Variants in ADAMTSL1 observed in about 807,000 individuals in gnomAD.
ADAMTSL1 encodes the protein ADAMTS like 1.
A neutral mutation model predicts 201.8 loss-of-function variants in ADAMTSL1; 126 were observed. The ratio of observed to expected loss-of-function variants is 0.62; its 90% CI spans 0.54 to 0.72. The LOEUF (loss-of-function observed/expected upper bound fraction) is 0.72. ADAMTSL1 is among the 30% of genes least tolerant of loss of function. The probability of loss-of-function intolerance (pLI) is 0.00; values close to 1 mark genes in which losing one functional copy is unlikely to be tolerated. For missense variants in ADAMTSL1, 2,679 were observed against 2,277.8 expected (o/e 1.18, Z -3.59); for synonymous variants, 1,121 against 903.4 (o/e 1.24, Z -4.32).
chr9:18,856,738 G>A (rs565668278), intron 23 of ADAMTSL1, among the ~76,000 whole-genome samples: 6 of 152,228 alleles, frequency 3.9e-5, no homozygotes, highest in South Asian at 2.1e-4. Context: ...GATTACAGAC[G>A]TGAGCCAGTG....
rs1016873753 is a variant in ADAMTSL1, at chr9:18,505,051, G to A, written c.191+95G>A. On this transcript the variant is annotated intron_variant, in intron 2 of 28. Coordinates refer to ENST00000380548, the MANE Select transcript of ADAMTSL1 (RefSeq NM_001040272.6). ...TTGGGTTTATGGAGAACATTTTGTG[G>A]CTTACAGATCCAGATAAAAGAAAAG... The A allele has an allele frequency of 2.8e-6, 4 of 1,425,012 alleles. No homozygotes were observed. The African/African-American group carries it at 5.9e-5, about 21-fold the overall frequency. 88.3% of individuals were successfully genotyped at this position (1,425,012 alleles called of 1,614,324 possible).
intron 1 of ADAMTSL1, among the ~76,000 whole-genome samples, chr9:17,941,550 A>C (rs1317964660): frequency 6.6e-6 from 1 of 152,132 alleles, no homozygotes; most frequent in Admixed American, 6.6e-5. Context: ...TACAGTCTCT[A>C]CCATTTATCC....
chr9:18,571,190 T>A (rs774431107), intron 3 of ADAMTSL1, among the ~76,000 whole-genome samples: 4 of 152,190 alleles, frequency 2.6e-5, no homozygotes, highest in Non-Finnish European at 5.9e-5. Flanking sequence ...ATTATCAATT[T>A]AAAAACATAA....
intron 2 of ADAMTSL1, among the ~76,000 whole-genome samples, chr9:18,267,640 T>C (rs1442040640): frequency 6.6e-6 from 1 of 152,018 alleles, no homozygotes. Flanking sequence ...TTGATAAGTG[T>C]TCTAATTGTA....
intron 2 of ADAMTSL1, among the ~76,000 whole-genome samples, chr9:18,464,168 T>C (rs1820913640): frequency 2.6e-5 from 4 of 152,218 alleles, no homozygotes; most frequent in Admixed American, 2.6e-4. Flanking sequence ...ATAATAAGCA[T>C]GCCCTCATCA....
rs75551645 is a variant in ADAMTSL1 at position 18,887,910 on chromosome 9, G to C, written c.4329G>C (p.Leu1443=). 56,285 of 1,613,924 alleles carry C rather than the reference G, an allele frequency of 0.035. 1,304 individuals carry two copies. The highest frequency in any genetic ancestry group is 0.09 in the East Asian group (4,046 of 44,880). Residue 1443 remains leucine, a synonymous_variant, in exon 24 of 29, where the codon CTG becomes CTC. Transcript: ENST00000380548. ...AGCCAATTGTCACTGCCACAGGACT[G>C]ACGCATCACATCTTGGCAGCTGGAC... ...GGQPIVTATG[L]THHILAAGQI...
intron 14 of ADAMTSL1, among the ~76,000 whole-genome samples, chr9:18,716,920 G>A (rs1407686027): frequency 7.1e-6 from 1 of 139,992 alleles, no homozygotes; most frequent in Non-Finnish European, 1.6e-5. Flanking sequence ...AAAAAATGAT[G>A]AGTTCATGTC....
intron 15 of ADAMTSL1, among the ~76,000 whole-genome samples, chr9:18,728,625 C>T (rs1002150264): frequency 2.6e-5 from 4 of 152,136 alleles, no homozygotes; most frequent in Non-Finnish European, 4.4e-5. Context: ...GCATGGAGTT[C>T]GGTGGAAGCT....
intron 2 of ADAMTSL1, among the ~76,000 whole-genome samples, chr9:18,213,461 G>A (rs780402118): frequency 6.6e-6 from 1 of 152,140 alleles, no homozygotes; most frequent in Non-Finnish European, 1.5e-5. Flanking sequence ...AGAACTTAGT[G>A]AGAAGCTAAA....
chr9:18,773,050 T>G (rs1262410548), intron 17 of ADAMTSL1, among the ~76,000 whole-genome samples: 1 of 152,222 alleles, frequency 6.6e-6, no homozygotes, highest in African/African-American at 2.4e-5. Flanking sequence ...ACATTGACCC[T>G]GTCATCCTTA....
At chr9:18,382,969 C>A (rs529782205) in intron 2 of ADAMTSL1, among the ~76,000 whole-genome samples, 1 of 152,260 alleles carries the variant, frequency 6.6e-6, no homozygotes, top group South Asian at 2.1e-4. Context: ...GAACATCAAA[C>A]AATAGAACAT....
At position 18,905,762 on chromosome 9, in the gene ADAMTSL1, T is replaced by C. The variant is rs1830269555; in HGVS notation, c.4852-20T>C. 1 of 1,601,518 alleles carries C rather than the reference T, an allele frequency of 6.2e-7. No individual in the cohort carries two copies. On this transcript the variant is annotated intron_variant, in intron 26 of 28. Coordinates refer to ENST00000380548, the MANE Select transcript of ADAMTSL1 (RefSeq NM_001040272.6). Reference sequence around the variant, plus strand: ...TTGACTTGGCTAATGTGCGGTATGTTACCTTTTTCTGCTTTCCAGTGCAAT... The same window carrying C: ...TTGACTTGGCTAATGTGCGGTATGTCACCTTTTTCTGCTTTCCAGTGCAAT...
intron 2 of ADAMTSL1, among the ~76,000 whole-genome samples, chr9:18,210,348 C>T (rs1829815920): frequency 1.3e-5 from 2 of 148,404 alleles, no homozygotes; most frequent in Admixed American, 1.4e-4. Flanking sequence ...TAACATATTA[C>T]AACTAGCTTT....
At chr9:18,653,694 G>A (rs903086247) in intron 7 of ADAMTSL1, among the ~76,000 whole-genome samples, 1 of 151,950 alleles carries the variant, frequency 6.6e-6, no homozygotes, top group African/African-American at 2.4e-5. Context: ...GAGGTCTGGA[G>A]TTCTAGAAAA....
At chr9:18,474,093 G>T (rs1240259567), upstream of ADAMTSL1, 4 of 381,270 alleles carry the variant, frequency 1.0e-5, no homozygotes, top group Admixed American at 1.3e-4. Context: ...CCCACCCCTC[G>T]GTCAGGAAAT....
chr9:17,948,623 A>T (rs1025860478), intron 1 of ADAMTSL1, among the ~76,000 whole-genome samples: 1 of 152,194 alleles, frequency 6.6e-6, no homozygotes, highest in Non-Finnish European at 1.5e-5. Flanking sequence ...ACCACGTGTT[A>T]CAGTGATATC....
intron 3 of ADAMTSL1, among the ~76,000 whole-genome samples, chr9:18,539,719 A>G (rs1215013352): frequency 6.6e-6 from 1 of 152,244 alleles, no homozygotes; most frequent in Non-Finnish European, 1.5e-5. Flanking sequence ...AGGCTTTGGG[A>G]TGTAGTACAG....
rs189611607 is a variant in ADAMTSL1 at position 17,985,001 on chromosome 9, A to T, written c.87+78079A>T. ...TGAGCAGATAGCTTTGTGAGAGCAGAATAGTGCCTAACATGTAGGAAGACC... is the reference window on the plus strand; with the variant it reads ...TGAGCAGATAGCTTTGTGAGAGCAGTATAGTGCCTAACATGTAGGAAGACC... On this transcript the variant is annotated intron_variant, in intron 1 of 29. Transcript: ENST00000680146. 2.4e-3 allele frequency among the ~76,000 whole-genome samples: 373 copies of T among 152,272 alleles called. 2 individuals carry two copies. The highest frequency in any genetic ancestry group is 4.4e-3 in the Non-Finnish European group (296 of 67,990).
At chr9:17,945,695 T>A (rs10810877) in intron 1 of ADAMTSL1, among the ~76,000 whole-genome samples, 33,565 of 151,168 alleles carry the variant, frequency 0.22, 3,273 homozygotes, top group East Asian at 0.33. Context: ...AAATCATCAT[T>A]CTCAGTAAAC....
Sources: gnomAD v4.1 joint callset for allele counts (sites outside exome capture counted in the v4.1 genomes callset) on GRCh38, gnomAD v4.1.1 for gene constraint, MANE v1.5 for transcripts, NCBI Gene and HGNC (gene_info 2026-07-23, HGNC 2026-07-21) for gene names.